Variants in SNTG2 observed in about 807,000 individuals in gnomAD.
SNTG2 encodes gamma-2-syntrophin.
SNTG2 carries 74 observed loss-of-function variants against 70.9 expected under a neutral mutation model. The ratio of observed to expected loss-of-function variants is 1.04; its 90% CI spans 0.86 to 1.27. SNTG2 has a LOEUF of 1.27. Among genes scored for constraint, SNTG2 ranks in the 50% most tolerant of loss-of-function variants. The pLI is 0.00. For missense variants in SNTG2, 717 were observed against 690.7 expected (o/e 1.04, Z -0.43); for synonymous variants, 278 against 273.8 (o/e 1.02, Z -0.15).
intron 4 of SNTG2, among the ~76,000 whole-genome samples, chr2:1,124,304 A>ATTTT (rs1558428832): frequency 2.2e-5 from 1 of 44,892 alleles, no homozygotes; most frequent in African/African-American, 1.7e-4. Context: ...GTCTTTTTTT[A>ATTTT]ATTTTTCTCA....
At chr2:1,152,410 CAT>C (rs1669560051) in intron 6 of SNTG2, among the ~76,000 whole-genome samples, 1 of 152,170 alleles carries the variant, frequency 6.6e-6, no homozygotes, top group Non-Finnish European at 1.5e-5. Flanking sequence ...TGTGCATATA[CAT>C]GTGTACCTGT....
intron 8 of SNTG2, among the ~76,000 whole-genome samples, chr2:1,208,518 C>T (rs372732446): frequency 2.9e-4 from 44 of 152,242 alleles, no homozygotes; most frequent in African/African-American, 9.9e-4. Context: ...TGGACTCTTG[C>T]GGGGCTGCTG....
At position 1,259,405 on chromosome 2, in the gene SNTG2, C is replaced by T. The variant is rs1349353736; in HGVS notation, c.1041C>T (p.Thr347=). 4 of 1,613,998 alleles carry T rather than the reference C, an allele frequency of 2.5e-6. No individual in the cohort carries two copies. The highest frequency in any genetic ancestry group is 2.5e-6 in the Non-Finnish European group (3 of 1,179,886). ...STFDWVRAER[T]YHLCEVLFKV... is the part of the protein sequence containing the mutation. The stretch of plus-strand genomic sequence containing the variant: ...TCGATTGGGTGCGAGCAGAAAGGAC[C>T]TATCACCTCTGTGAGGTGCTATTTA... Residue 347 remains threonine, a synonymous_variant, in exon 13 of 17, where the codon ACC becomes ACT. Transcript: ENST00000308624.
At chr2:989,753 C>G (rs1661431798) in intron 1 of SNTG2, among the ~76,000 whole-genome samples, 1 of 152,298 alleles carries the variant, frequency 6.6e-6, no homozygotes, top group Middle Eastern at 3.4e-3. Context: ...TTGAAATAAC[C>G]TAGCAGTAAA....
chr2:1,190,350 G>C (rs1362642393), intron 8 of SNTG2, among the ~76,000 whole-genome samples: 1 of 151,340 alleles, frequency 6.6e-6, no homozygotes, highest in Non-Finnish European at 1.5e-5. Context: ...TGTGTAAATA[G>C]TTCCTACTCT....
At chr2:1,191,613 G>T (rs1669126086) in intron 8 of SNTG2, among the ~76,000 whole-genome samples, 1 of 152,104 alleles carries the variant, frequency 6.6e-6, no homozygotes, top group South Asian at 2.1e-4. Flanking sequence ...GGCTAACACG[G>T]TGAAACCCCA....
chr2:1,060,479 C>T (rs982758638), intron 1 of SNTG2, among the ~76,000 whole-genome samples: 1 of 152,166 alleles, frequency 6.6e-6, no homozygotes, highest in South Asian at 2.1e-4. Context: ...AGAACCCCAG[C>T]TCCCGGCTTT....
intron 16 of SNTG2, among the ~76,000 whole-genome samples, chr2:1,357,003 T>C (rs952662888): frequency 3.3e-5 from 5 of 152,086 alleles, no homozygotes; most frequent in African/African-American, 1.2e-4. Context: ...AACTTTATTG[T>C]GTGTATCAAT....
At position 1,353,016 on chromosome 2, in the gene SNTG2, C is replaced by T. The variant is rs1355332164; in HGVS notation, c.1489-14327C>T. Among the ~76,000 whole-genome samples, 6 of 152,268 alleles carry T rather than the reference C, an allele frequency of 3.9e-5. No individual in the cohort carries two copies. Among genetic ancestry groups the T allele is most frequent in the South Asian group, 2.1e-4 (1 of 4,824 alleles). The stretch of plus-strand genomic sequence containing the variant: ...CCTGCCTCACAAAGACATCACCTCC[C>T]GGCTGCACAGTTGCCCAGCGTGTTC... On this transcript the variant is annotated intron_variant, in intron 16 of 16. Coordinates refer to ENST00000308624, the MANE Select transcript of SNTG2 (RefSeq NM_018968.4). The surrounding 1 kb of genome is among the most constrained non-coding windows in gnomAD (Gnocchi z 4.2).
intron 1 of SNTG2, among the ~76,000 whole-genome samples, chr2:1,015,623 T>C (rs191091502): frequency 1.3e-5 from 2 of 152,336 alleles, no homozygotes; most frequent in Admixed American, 6.5e-5. Flanking sequence ...GAAATATAAA[T>C]TTCCATCAAT....
chr2:1,044,468 G>A (rs1201587910), intron 1 of SNTG2, among the ~76,000 whole-genome samples: 1 of 152,088 alleles, frequency 6.6e-6, no homozygotes, highest in African/African-American at 2.4e-5. Context: ...GACTTGTTCT[G>A]GTTCTCAAGG....
intron 1 of SNTG2, among the ~76,000 whole-genome samples, chr2:1,053,600 A>C (rs1362317654): frequency 6.6e-6 from 1 of 151,866 alleles, no homozygotes. Flanking sequence ...CTTTGGAAAC[A>C]TGAGTTACAT....
At chr2:1,262,767 G>A (rs1200565925) in intron 13 of SNTG2, 2 of 151,550 alleles carry the variant, frequency 1.3e-5, no homozygotes, top group Non-Finnish European at 3.0e-5. Context: ...GAGGCAACCC[G>A]AAGGCTCCGT....
intron 9 of SNTG2, among the ~76,000 whole-genome samples, chr2:1,217,270 G>A (rs1674456325): frequency 1.3e-5 from 2 of 152,092 alleles, no homozygotes; most frequent in Admixed American, 1.3e-4. Context: ...CCGTGCACTG[G>A]CAGAAGTTAT....
chr2:1,183,584 G>C (rs28514746), intron 8 of SNTG2, among the ~76,000 whole-genome samples: 47,900 of 152,000 alleles, frequency 0.32, 8,130 homozygotes, highest in East Asian at 0.65. Context: ...CAACACGATG[G>C]CAAAACAGCA....
chr2:1,036,278 C>T (rs1661122226), intron 1 of SNTG2, among the ~76,000 whole-genome samples: 1 of 151,952 alleles, frequency 6.6e-6, no homozygotes, highest in South Asian at 2.1e-4. Context: ...ATATTTGTCA[C>T]ATTTTTCTTT....
At chr2:1,073,658 A>G (rs761685236) in intron 1 of SNTG2, among the ~76,000 whole-genome samples, 6 of 152,230 alleles carry the variant, frequency 3.9e-5, no homozygotes, top group Admixed American at 6.5e-5. Context: ...CACACACTAC[A>G]TAGGAAAGTA....
At chr2:1,096,699 C>T (rs1665414696) in intron 2 of SNTG2, among the ~76,000 whole-genome samples, 1 of 152,184 alleles carries the variant, frequency 6.6e-6, no homozygotes, top group South Asian at 2.1e-4. Context: ...GTATCTACTG[C>T]ATCTTCTTTA....
At chr2:1,202,310 G>GTTAAATTGTTCCATT (rs142031261) in intron 8 of SNTG2, among the ~76,000 whole-genome samples, 49,173 of 151,840 alleles carry the variant, frequency 0.32, 8,499 homozygotes, top group East Asian at 0.65. Context: ...GGCACAGTCA[G>GTTAAATTGTTCCATT]TTGAGGTTTT....
Sources: gnomAD v4.1 joint callset for allele counts (sites outside exome capture counted in the v4.1 genomes callset) on GRCh38, gnomAD v4.1.1 for gene constraint, Gnocchi (gnomAD v3.1) non-coding constraint, MANE v1.5 for transcripts, NCBI Gene and HGNC (gene_info 2026-07-23, HGNC 2026-07-21) for gene names.